Variants in GLIS3 observed in about 807,000 individuals in gnomAD.
GLIS3 encodes GLIS family zinc finger 3.
GLIS3 carries 53 observed loss-of-function variants against 78.6 expected under a neutral mutation model. That is an observed-to-expected ratio of 0.67 (90% confidence interval 0.54 to 0.85). GLIS3 has a LOEUF of 0.85. GLIS3 is among the 40% of genes least tolerant of loss of function. The probability of loss-of-function intolerance (pLI) is 0.00; values close to 1 mark genes in which losing one functional copy is unlikely to be tolerated. For missense variants in GLIS3, 1,703 were observed against 1,231.1 expected, an observed-to-expected ratio of 1.38 and a Z score of -5.74; for synonymous variants, 684 against 509.9, an observed-to-expected ratio of 1.34 and a Z score of -4.60.
At chr9:4,036,380 G>A (rs764834119) in intron 4 of GLIS3, among the ~76,000 whole-genome samples, 1 of 151,358 alleles carries the variant, frequency 6.6e-6, no homozygotes, top group Non-Finnish European at 1.5e-5. Flanking sequence ...CTTAATTTCT[G>A]TAGAACAAGA....
chr9:4,254,560 C>T (rs1587166265), intron 2 of GLIS3, among the ~76,000 whole-genome samples: 1 of 152,176 alleles, frequency 6.6e-6, no homozygotes, highest in African/African-American at 2.4e-5. Context: ...TAAGAAATGA[C>T]CCAGCACGGT....
At chr9:4,137,370 C>A (rs920370119) in intron 2 of GLIS3, among the ~76,000 whole-genome samples, 8 of 152,192 alleles carry the variant, frequency 5.3e-5, no homozygotes, top group South Asian at 2.1e-4. Flanking sequence ...AACTTTCATA[C>A]CAACATTCTT....
the GLIS3 span, among the ~76,000 whole-genome samples, chr9:4,390,585 G>C: frequency 6.6e-6 from 1 of 152,150 alleles, no homozygotes; most frequent in Admixed American, 6.5e-5. Flanking sequence ...ATACCCATGG[G>C]AGTGCCCAGT....
At chr9:4,111,989 A>G (rs1256028980) in intron 4 of GLIS3, among the ~76,000 whole-genome samples, 6 of 152,224 alleles carry the variant, frequency 3.9e-5, no homozygotes. Flanking sequence ...CCATAGTAGC[A>G]AAAGTGTTTT....
intron 2 of GLIS3, among the ~76,000 whole-genome samples, chr9:4,148,260 T>G (rs868572967): frequency 1.3e-5 from 2 of 152,168 alleles, no homozygotes; most frequent in Non-Finnish European, 2.9e-5. Flanking sequence ...ATCGGTTTCC[T>G]TGCTACACTC....
intron 2 of GLIS3, among the ~76,000 whole-genome samples, chr9:4,175,797 A>T (rs186214135): frequency 5.5e-4 from 84 of 152,312 alleles, no homozygotes; most frequent in Admixed American, 2.0e-3. Context: ...CAATTCATGC[A>T]CTGTATTAGG....
chr9:4,093,170 C>A (rs1208710069), intron 4 of GLIS3, among the ~76,000 whole-genome samples: 2 of 152,182 alleles, frequency 1.3e-5, no homozygotes, highest in Admixed American at 1.3e-4. Flanking sequence ...AACATGCTGG[C>A]CTCACAGCCT....
At chr9:3,912,033 C>G (rs1208568166) in intron 6 of GLIS3, among the ~76,000 whole-genome samples, 1 of 152,100 alleles carries the variant, frequency 6.6e-6, no homozygotes, top group Non-Finnish European at 1.5e-5. Flanking sequence ...AGGTTCATAT[C>G]TCAGCTCTGC....
At position 3,932,432 on chromosome 9, in the gene GLIS3, G is replaced by A; in HGVS notation, c.1911C>T (p.Arg637=). Residue 637 remains arginine (R), a synonymous_variant, in exon 6 of 11, where the codon CGC becomes CGT. Transcript: ENST00000381971. ...YACQIPGCTK[R]YTDPSSLRKH... ...TTCTTAGGGAACTTGGGTCTGTGTA[G>A]CGTTTGGTACATCCTGGAATTTGAC... The A allele has an allele frequency of 6.2e-7, 1 of 1,613,762 alleles. No homozygotes were observed. The highest frequency in any genetic ancestry group is 8.5e-7 in the Non-Finnish European group (1 of 1,179,750).
chr9:4,368,544 G>A, the GLIS3 span, among the ~76,000 whole-genome samples: 3 of 152,160 alleles, frequency 2.0e-5, no homozygotes, highest in South Asian at 4.2e-4. Context: ...CTAGAGACGG[G>A]GTTTCACCGT....
At chr9:3,831,231 A>G (rs1818025424) in intron 9 of GLIS3, among the ~76,000 whole-genome samples, 1 of 152,224 alleles carries the variant, frequency 6.6e-6, no homozygotes, top group Non-Finnish European at 1.5e-5. Context: ...TTCCACGTCA[A>G]GCCAGAAGAA....
At chr9:4,453,084 G>A in the GLIS3 span, among the ~76,000 whole-genome samples, 1 of 152,032 alleles carries the variant, frequency 6.6e-6, no homozygotes, top group Admixed American at 6.6e-5. Flanking sequence ...TCTTTATCAT[G>A]GTGCTAGGAA....
upstream of GLIS3, among the ~76,000 whole-genome samples, chr9:4,302,807 A>G (rs1817124366): frequency 6.6e-6 from 1 of 152,230 alleles, no homozygotes; most frequent in African/African-American, 2.4e-5. Context: ...GTGTTAGATG[A>G]GCACAATGAA....
intron 2 of GLIS3, among the ~76,000 whole-genome samples, chr9:4,270,794 C>G (rs1446288059): frequency 2.0e-5 from 3 of 152,180 alleles, no homozygotes; most frequent in South Asian, 2.1e-4. Context: ...TCCCAGGTCT[C>G]CAGCTTGCTG....
chr9:3,883,577 A>G (rs1241958432), intron 7 of GLIS3, among the ~76,000 whole-genome samples: 2 of 152,242 alleles, frequency 1.3e-5, no homozygotes, highest in Admixed American at 1.3e-4. Flanking sequence ...ATTGTGGCCT[A>G]TCGATCAAAA....
chr9:3,895,032 A>C (rs536737697), intron 7 of GLIS3, among the ~76,000 whole-genome samples: 2 of 152,334 alleles, frequency 1.3e-5, no homozygotes, highest in Admixed American at 1.3e-4. Context: ...TTTTGTGGTC[A>C]TTCATGGGAC....
the GLIS3 span, among the ~76,000 whole-genome samples, chr9:4,408,639 A>G: frequency 1.4e-5 from 2 of 141,986 alleles, no homozygotes; most frequent in Non-Finnish European, 3.0e-5. Flanking sequence ...AGGCAGGAGA[A>G]TGGCGTGAAC....
intron 7 of GLIS3, among the ~76,000 whole-genome samples, chr9:3,892,468 G>A (rs533192312): frequency 1.3e-5 from 2 of 152,264 alleles, no homozygotes; most frequent in East Asian, 3.9e-4. Flanking sequence ...TAGCTGCGTG[G>A]AATGAATAAA....
intron 2 of GLIS3, among the ~76,000 whole-genome samples, chr9:4,227,989 G>C (rs1348694331): frequency 6.6e-6 from 1 of 152,096 alleles, no homozygotes; most frequent in Admixed American, 6.6e-5. Context: ...GTCTAACTTA[G>C]AAAACTTTGA....
Sources: gnomAD v4.1 joint callset for allele counts (sites outside exome capture counted in the v4.1 genomes callset) on GRCh38, gnomAD v4.1.1 for gene constraint, MANE v1.5 for transcripts, NCBI Gene and HGNC (gene_info 2026-07-23, HGNC 2026-07-21) for gene names.